The following IQGAP2 variants were observed in gnomAD, a reference collection of about 807,000 sequenced individuals.
The protein encoded by IQGAP2 is ras GTPase-activating-like protein IQGAP2.
IQGAP2 carries 173 observed loss-of-function variants against 201.3 expected under a neutral mutation model. The ratio of observed to expected loss-of-function variants is 0.86; its 90% CI spans 0.76 to 0.98. The LOEUF is 0.98. Ranked by LOEUF, IQGAP2 falls within the 50% of genes least tolerant of loss-of-function variation. The probability of loss-of-function intolerance (pLI) is 0.00; values close to 1 mark genes in which losing one functional copy is unlikely to be tolerated. For missense variants in IQGAP2, 1,687 were observed against 1,864.8 expected, an observed-to-expected ratio of 0.90 and a Z score of 1.76; for synonymous variants, 675 against 673.9, an observed-to-expected ratio of 1.00 and a Z score of -0.03.
intron 28 of IQGAP2, among the ~76,000 whole-genome samples, chr5:76,680,120 A>G (rs1216711583): frequency 6.6e-6 from 1 of 152,266 alleles, no homozygotes; most frequent in Non-Finnish European, 1.5e-5. Flanking sequence ...AGTAATCAAG[A>G]CAGTGCTATG....
intron 2 of IQGAP2, among the ~76,000 whole-genome samples, chr5:76,538,861 C>G (rs1166768734): frequency 2.6e-5 from 4 of 152,168 alleles, no homozygotes; most frequent in East Asian, 3.8e-4. Flanking sequence ...AAATGGGGAG[C>G]AAGGGACTAG....
At chr5:76,560,570 C>A (rs1344478744) in intron 2 of IQGAP2, among the ~76,000 whole-genome samples, 1 of 152,190 alleles carries the variant, frequency 6.6e-6, no homozygotes, top group African/African-American at 2.4e-5. Context: ...TCTTCAAGGC[C>A]AAGTCCAGGT....
chr5:76,697,693 A>T (rs1294811869), intron 32 of IQGAP2, among the ~76,000 whole-genome samples: 3 of 152,262 alleles, frequency 2.0e-5, no homozygotes, highest in Non-Finnish European at 2.9e-5. Context: ...TTAAAACGCA[A>T]TTTTTCCTTA....
intron 33 of IQGAP2, 94 bp downstream of exon 33, chr5:76,698,241 A>G: frequency 1.1e-6 from 1 of 924,464 alleles, no homozygotes; most frequent in South Asian, 1.8e-5. Flanking sequence ...GGTATGGAAG[A>G]AAACTTTTTG....
chr5:76,517,604 CA>C (rs36102224), intron 2 of IQGAP2, among the ~76,000 whole-genome samples: 21,077 of 83,346 alleles, frequency 0.25, 1,399 homozygotes, highest in African/African-American at 0.3. Flanking sequence ...GACCCTGTTT[CA>C]AAAAAAAAAA....
intron 33 of IQGAP2, among the ~76,000 whole-genome samples, chr5:76,698,941 A>G (rs968350169): frequency 1.3e-5 from 2 of 152,230 alleles, no homozygotes; most frequent in Non-Finnish European, 2.9e-5. Context: ...TGAAATAATT[A>G]ATTCATATAT....
intron 3 of IQGAP2, among the ~76,000 whole-genome samples, chr5:76,564,052 A>G (rs1295797328): frequency 2.6e-5 from 4 of 152,282 alleles, no homozygotes; most frequent in Admixed American, 6.5e-5. Context: ...ATAAATAAAA[A>G]TGTTTACATT....
At chr5:76,514,378 T>C (rs1274600127) in intron 2 of IQGAP2, among the ~76,000 whole-genome samples, 1 of 152,146 alleles carries the variant, frequency 6.6e-6, no homozygotes, top group Non-Finnish European at 1.5e-5. Flanking sequence ...CCACTGTCCT[T>C]GATGGCACAC....
chr5:76,510,903 C>A (rs1580353194), intron 2 of IQGAP2: 2 of 337,976 alleles, frequency 5.9e-6, no homozygotes, highest in East Asian at 1.6e-4. Context: ...ACTCTGGGCA[C>A]CCCTCTCACC....
At chr5:76,612,688 CA>C (rs35347756) in intron 13 of IQGAP2, among the ~76,000 whole-genome samples, 2 of 148,908 alleles carry the variant, frequency 1.3e-5, no homozygotes, top group African/African-American at 2.5e-5. Context: ...TGTTGTTAAG[CA>C]AAAAAAAAAT....
At chr5:76,482,490 T>C (rs1361951409) in intron 2 of IQGAP2, among the ~76,000 whole-genome samples, 1 of 152,144 alleles carries the variant, frequency 6.6e-6, no homozygotes, top group Non-Finnish European at 1.5e-5. Flanking sequence ...CTACCTAATT[T>C]CATAAGGGTG....
intron 13 of IQGAP2, among the ~76,000 whole-genome samples, chr5:76,624,798 G>A (rs1750067001): frequency 6.6e-6 from 1 of 152,182 alleles, no homozygotes; most frequent in Non-Finnish European, 1.5e-5. Context: ...ACTTGGCTGG[G>A]CACAGTGGCT....
At chr5:76,410,716 C>T (rs1751060413) in intron 1 of IQGAP2, among the ~76,000 whole-genome samples, 1 of 152,138 alleles carries the variant, frequency 6.6e-6, no homozygotes, top group African/African-American at 2.4e-5. Context: ...CCTCATTTTT[C>T]TTCATTCTCT....
rs758331259 is a variant in IQGAP2 at position 76,627,517 on chromosome 5, T to A, written c.1612+17T>A. 32 of 1,377,476 alleles carry A rather than the reference T, an allele frequency of 2.3e-5. No homozygotes were observed. In the South Asian group the frequency reaches 3.5e-4, roughly 15 times the overall value. 85.3% of individuals were successfully genotyped at this position (1,377,476 alleles called of 1,614,324 possible). A position where few individuals can be genotyped will look rare whatever the true frequency, so the allele number is the denominator to read the frequency against. ...CAAAACAATGTAAGCCCTCACCTCCTTTGCTCTTGAAACTTGCCTTTTTGG... is the reference window on the plus strand; with the variant it reads ...CAAAACAATGTAAGCCCTCACCTCCATTGCTCTTGAAACTTGCCTTTTTGG... On this transcript the variant is annotated intron_variant, in intron 14 of 35. Coordinates refer to ENST00000274364, the MANE Select transcript of IQGAP2 (RefSeq NM_006633.5).
chr5:76,553,201 A>AG (rs1554067547), intron 2 of IQGAP2, among the ~76,000 whole-genome samples: 18 of 152,332 alleles, frequency 1.2e-4, no homozygotes, highest in African/African-American at 4.1e-4. Context: ...TGATGCTTTT[A>AG]CTGCCTGTTG....
intron 28 of IQGAP2, 38 bp from the exon 29 acceptor site, chr5:76,683,077 A>C: frequency 7.7e-7 from 1 of 1,292,240 alleles, no homozygotes; most frequent in Non-Finnish European, 1.1e-6. Context: ...TTGAGAATTT[A>C]CTTTTTTCTT....
rs749986188 is a variant in IQGAP2 at position 76,695,434 on chromosome 5, T to A, written c.3994-20T>A. 1 of 1,599,532 alleles carries A rather than the reference T, an allele frequency of 6.3e-7. No homozygotes were observed. Among genetic ancestry groups the A allele is most frequent in the Non-Finnish European group, 8.6e-7 (1 of 1,166,840 alleles). On this transcript the variant is annotated intron_variant, in intron 31 of 35. Transcript: ENST00000274364. Reference sequence around the variant, plus strand: ...TTAGGGGATCAGAGAAAACTCAGCATCTTGATATTCTCTTTTCAGGAGGTA... The same window carrying A: ...TTAGGGGATCAGAGAAAACTCAGCAACTTGATATTCTCTTTTCAGGAGGTA...
chr5:76,465,063 T>G (rs1221743277), intron 2 of IQGAP2, among the ~76,000 whole-genome samples: 1 of 152,158 alleles, frequency 6.6e-6, no homozygotes, highest in Non-Finnish European at 1.5e-5. Context: ...ATTTTCCAAT[T>G]CATTCTTCTG....
chr5:76,461,747 C>T (rs896464121), intron 2 of IQGAP2, 78 bp downstream of exon 2: 5 of 1,018,856 alleles, frequency 4.9e-6, no homozygotes, highest in Admixed American at 1.9e-5. Flanking sequence ...ATTTGATGAC[C>T]AGAGGGTTCT....
Sources: allele counts gnomAD v4.1 joint callset (sites outside exome capture counted in the v4.1 genomes callset), GRCh38; gene constraint gnomAD v4.1.1; transcripts MANE v1.5; gene names NCBI Gene and HGNC (gene_info 2026-07-23, HGNC 2026-07-21).